The following FAM234B variants were observed in gnomAD, a reference collection of about 807,000 sequenced individuals.
FAM234B encodes protein FAM234B.
Under a neutral mutation model 69.3 loss-of-function variants are expected in FAM234B, and 33 were observed. That is an observed-to-expected ratio of 0.48 (90% CI 0.36 to 0.64). FAM234B has a LOEUF of 0.64. Ranked by LOEUF, FAM234B falls within the 30% of genes least tolerant of loss-of-function variation. The pLI, the probability that FAM234B is intolerant of heterozygous loss-of-function variation, is 0.00. For missense variants in FAM234B, 697 were observed against 769.7 expected (o/e 0.91, Z 1.12); for synonymous variants, 306 against 306.9 (o/e 1.00, Z 0.03).
chr12:13,058,840 G>A (rs891319371), intron 3 of FAM234B, among the ~76,000 whole-genome samples: 1 of 152,244 alleles, frequency 6.6e-6, no homozygotes, highest in African/African-American at 2.4e-5. Flanking sequence ...GCAACGAACA[G>A]TGTTAGTCCT....
chr12:13,052,013 A>G (rs1269008926), intron 1 of FAM234B, among the ~76,000 whole-genome samples: 2 of 152,248 alleles, frequency 1.3e-5, no homozygotes, highest in Non-Finnish European at 2.9e-5. Flanking sequence ...GAGATTACAT[A>G]GTTCATAAGA....
chr12:13,060,228 C>A (rs1864970833), intron 3 of FAM234B, among the ~76,000 whole-genome samples: 3 of 152,174 alleles, frequency 2.0e-5, no homozygotes. Flanking sequence ...GACCCTCATG[C>A]CAAGCTGCTG....
intron 1 of FAM234B, among the ~76,000 whole-genome samples, chr12:13,052,046 A>T (rs2120447836): frequency 6.6e-6 from 1 of 152,332 alleles, no homozygotes; most frequent in Admixed American, 6.5e-5. Flanking sequence ...ATTTGGCTTG[A>T]TGTTTGATTG....
At position 13,076,121 on chromosome 12, in the gene FAM234B, C is replaced by A; in HGVS notation, c.1620C>A (p.Thr540=). The change falls in exon 11 of 13, where the codon ACC becomes ACA. Residue 540 remains threonine, a synonymous_variant. Transcript: ENST00000197268. ...PSILLDLANT[T]GTVTASEVGI... ...TCCTTCTGGATCTGGCCAACACCACCGGCACAGTGACGGCTTCAGAGGGTG... is the reference window on the plus strand; with the variant it reads ...TCCTTCTGGATCTGGCCAACACCACAGGCACAGTGACGGCTTCAGAGGGTG... 2 of 1,613,882 alleles carry A rather than the reference C, an allele frequency of 1.2e-6. No homozygotes were observed. The highest frequency in any genetic ancestry group is 1.7e-6 in the Non-Finnish European group (2 of 1,179,730).
chr12:13,058,247 G>T (rs986783425), intron 2 of FAM234B, among the ~76,000 whole-genome samples: 4 of 152,120 alleles, frequency 2.6e-5, no homozygotes, highest in African/African-American at 9.7e-5. Context: ...CCTTCTCTCT[G>T]CCTTTTAGAG....
At position 13,080,611 on chromosome 12, in the gene FAM234B, C is replaced by T; in HGVS notation, c.1864-14C>T. On this transcript the variant is annotated splice_polypyrimidine_tract_variant and intron_variant, in intron 12 of 12. Transcript: ENST00000197268. ...ATGAAAAACAATAAAGTCACGATAA[C>T]TCTTTTTCCATAGATCTAATCTGAT... 6.2e-7 allele frequency: 1 copy of T among 1,603,272 alleles called. No individual in the cohort carries two copies. The highest frequency in any genetic ancestry group is 8.5e-7 in the Non-Finnish European group (1 of 1,170,346).
In FAM234B at chr12:13,063,281, A is replaced by T. The variant is rs559575588; in HGVS notation, c.852+306A>T. 3.0e-3 allele frequency among the ~76,000 whole-genome samples: 458 copies of T among 152,286 alleles called. 4 individuals are homozygous for T. Among genetic ancestry groups the T allele is most frequent in the African/African-American group, 0.011 (437 of 41,556 alleles). On this transcript the variant is annotated intron_variant, in intron 5 of 12. Coordinates refer to ENST00000197268, the MANE Select transcript of FAM234B (RefSeq NM_020853.2). Reference sequence around the variant, plus strand: ...TTGGGCAAGCCGTGGAGCCTGTCCAAGCTCTGGTTTCTTCATATGTAAAAA... The same window carrying T: ...TTGGGCAAGCCGTGGAGCCTGTCCATGCTCTGGTTTCTTCATATGTAAAAA...
intron 1 of FAM234B, among the ~76,000 whole-genome samples, chr12:13,049,807 ATTGT>A (rs1565506119): frequency 2.0e-5 from 3 of 152,130 alleles, no homozygotes; most frequent in South Asian, 2.1e-4. Flanking sequence ...TTTTCAGCTA[ATTGT>A]TTGTTATGTT....
In FAM234B at chr12:13,068,457, G is replaced by A. The variant is rs761525909; in HGVS notation, c.1286+10G>A. 161 of 1,613,356 alleles carry A rather than the reference G, an allele frequency of 1.0e-4. 3 individuals are homozygous for A. In the South Asian group the frequency reaches 1.7e-3, roughly 17 times the overall value. On this transcript the variant is annotated intron_variant, in intron 8 of 12. Coordinates refer to ENST00000197268, the MANE Select transcript of FAM234B (RefSeq NM_020853.2). ...TTCAAGGCCTGCGCAGGTTTGCATT[G>A]TGTTCCTTCTTGTGTTTGCTGTTTT...
chr12:13,055,469 TG>T, intron 1 of FAM234B, 81 bp from the exon 2 acceptor site: 2 of 1,340,568 alleles, frequency 1.5e-6, no homozygotes, highest in Non-Finnish European at 1.0e-6. Context: ...CGTGTTCTTC[TG>T]GGTATTTACA....
At chr12:13,077,712 A>G (rs529032379) in intron 11 of FAM234B, among the ~76,000 whole-genome samples, 1 of 152,136 alleles carries the variant, frequency 6.6e-6, no homozygotes, top group Non-Finnish European at 1.5e-5. Flanking sequence ...TGCTATTGTG[A>G]ATAGTGCCGC....
chr12:13,044,679 G>T lies in FAM234B; in HGVS notation c.37+239G>T, dbSNP rs931797975. On this transcript the variant is annotated intron_variant, in intron 1 of 12. Coordinates refer to ENST00000197268, the MANE Select transcript of FAM234B (RefSeq NM_020853.2). The surrounding 1 kb of genome is among the most constrained non-coding windows in gnomAD (Gnocchi z 5.6). The stretch of plus-strand genomic sequence containing the variant: ...GGGCGAACCCGGAGACGCGCGGGGA[G>T]AGGGCGCCGAGCAGGTGTTACGGCG... Among the ~76,000 whole-genome samples the T allele has an allele frequency of 6.6e-6, 1 of 152,230 alleles. No homozygotes were observed. The highest frequency in any genetic ancestry group is 1.5e-5 in the Non-Finnish European group (1 of 68,036).
At position 13,076,065 on chromosome 12, in the gene FAM234B, C is replaced by T; in HGVS notation, c.1564C>T (p.Leu522Phe). The T allele has an allele frequency of 1.2e-6, 2 of 1,614,204 alleles. No individual in the cohort carries two copies. The highest frequency in any genetic ancestry group is 1.1e-5 in the South Asian group (1 of 91,084). ...LGTEPPSLHH[L>F]YLLHPAFPSI... ...AACTGAGCCGCCCAGCCTTCACCAC[C>T]TTTACCTCCTGCATCCTGCGTTCCC... Residue 522 changes from leucine (L) to phenylalanine (F), a missense_variant, in exon 11 of 13, where the codon CTT becomes TTT. By Grantham distance (22) the Leu-to-Phe change is conservative. Coordinates refer to ENST00000197268, the MANE Select transcript of FAM234B (RefSeq NM_020853.2).
At chr12:13,075,973 C>A in intron 10 of FAM234B, 53 bp from the exon 11 acceptor site, 2 of 1,269,710 alleles carry the variant, frequency 1.6e-6, no homozygotes, top group Non-Finnish European at 2.3e-6. Flanking sequence ...AGGACTGTCA[C>A]GTGTGGGAAT....
chr12:13,066,332 G>A (rs2120482492), intron 5 of FAM234B, among the ~76,000 whole-genome samples: 1 of 152,324 alleles, frequency 6.6e-6, no homozygotes, highest in South Asian at 2.1e-4. Flanking sequence ...GCCATCCTAT[G>A]TTAAGCTGTA....
At chr12:13,060,595 A>G (rs576937464) in intron 3 of FAM234B, among the ~76,000 whole-genome samples, 3 of 152,326 alleles carry the variant, frequency 2.0e-5, no homozygotes, top group East Asian at 1.9e-4. Flanking sequence ...TTTGTCATAT[A>G]TATCTTCTGG....
At chr12:13,059,910 C>CTCA (rs749978763) in intron 3 of FAM234B, among the ~76,000 whole-genome samples, 2 of 152,200 alleles carry the variant, frequency 1.3e-5, no homozygotes, top group Non-Finnish European at 2.9e-5. Flanking sequence ...CATACCAAGA[C>CTCA]TCATAATGGC....
chr12:13,068,629 G>T lies in FAM234B; in HGVS notation c.1287-1G>T. ...ATTGCTTACTTTGTCCTTATTTGCAGCCAGCCTACTCCTGGATATTTCACT... is the reference window on the plus strand; with the variant it reads ...ATTGCTTACTTTGTCCTTATTTGCATCCAGCCTACTCCTGGATATTTCACT... On this transcript the variant is annotated splice_acceptor_variant, in intron 8 of 12. Transcript: ENST00000197268. LOFTEE classifies it high-confidence loss of function. 6.2e-7 allele frequency: 1 copy of T among 1,610,276 alleles called. No individual in the cohort carries two copies. Among genetic ancestry groups the T allele is most frequent in the Non-Finnish European group, 8.5e-7 (1 of 1,177,068 alleles).
At chr12:13,057,276 C>G (rs1239696605) in intron 2 of FAM234B, among the ~76,000 whole-genome samples, 1 of 152,128 alleles carries the variant, frequency 6.6e-6, no homozygotes. Flanking sequence ...CTGCACCCAG[C>G]CTGTGACCTG....
Sources: allele counts gnomAD v4.1 joint callset (sites outside exome capture counted in the v4.1 genomes callset), GRCh38; gene constraint gnomAD v4.1.1; non-coding constraint Gnocchi (gnomAD v3.1); transcripts MANE v1.5; gene names NCBI Gene and HGNC (gene_info 2026-07-23, HGNC 2026-07-21).